G3BP2: variants seen among roughly 807,000 people sequenced by gnomAD.
G3BP2 encodes the protein G3BP stress granule assembly factor 2, also known as ras GTPase-activating protein-binding protein 2.
Under a neutral mutation model 56.7 loss-of-function variants are expected in G3BP2, and 11 were observed. That is an observed-to-expected ratio of 0.19 (90% CI 0.12 to 0.32). The LOEUF is 0.32. Ranked by LOEUF, G3BP2 falls within the 10% of genes least tolerant of loss-of-function variation. The pLI is 1.00. For missense variants in G3BP2, 340 were observed against 610.9 expected (o/e 0.56, Z 4.67); for synonymous variants, 165 against 191.6 (o/e 0.86, Z 1.15).
intron 3 of G3BP2, among the ~76,000 whole-genome samples, chr4:75,719,261 T>G (rs1720049779): frequency 7.1e-6 from 1 of 140,126 alleles, no homozygotes; most frequent in African/African-American, 2.7e-5. Context: ...GGCAGGAGAA[T>G]GGTGTGAACC....
chr4:75,652,116 T>C (rs566452686), intron 8 of G3BP2, among the ~76,000 whole-genome samples: 74 of 152,364 alleles, frequency 4.9e-4, no homozygotes, highest in African/African-American at 1.8e-3. Flanking sequence ...CATTTAAAAT[T>C]TTTGTTTTAT....
intron 3 of G3BP2, among the ~76,000 whole-genome samples, chr4:75,720,706 G>C (rs1209963563): frequency 2.0e-5 from 3 of 149,718 alleles, no homozygotes; most frequent in African/African-American, 7.4e-5. Context: ...TGAGGCAGGA[G>C]AATCGCTTGA....
intron 4 of G3BP2, 141 bp from the exon 5 acceptor site, chr4:75,657,155 GATGTTTA>G: frequency 3.7e-6 from 2 of 539,574 alleles, no homozygotes; most frequent in Non-Finnish European, 3.2e-6. Context: ...AACATGCTAT[GATGTTTA>G]TATAAAATAA....
chr4:75,648,969 A>G (rs537922870), intron 8 of G3BP2: 3 of 341,176 alleles, frequency 8.8e-6, no homozygotes, highest in African/African-American at 4.1e-5. Flanking sequence ...GTAACTCACA[A>G]TAAGTTGCTT....
chr4:75,690,551 G>C (rs1718812790), intron 3 of G3BP2, among the ~76,000 whole-genome samples: 1 of 152,156 alleles, frequency 6.6e-6, no homozygotes, highest in African/African-American at 2.4e-5. Flanking sequence ...GCAGGACTGA[G>C]GGTTGAAAGG....
upstream of G3BP2, among the ~76,000 whole-genome samples, chr4:75,675,948 T>C (rs1035000786): frequency 6.6e-6 from 1 of 152,198 alleles, no homozygotes. Context: ...TAAGAAACAT[T>C]TTTAGTTTAG....
chr4:75,657,873 A>G (rs1253013729), intron 3 of G3BP2, 143 bp from the exon 4 acceptor site: 6 of 569,548 alleles, frequency 1.1e-5, no homozygotes, highest in Non-Finnish European at 1.8e-5. Flanking sequence ...CATGCTGTGC[A>G]TCACTGCCAG....
chr4:75,696,805 C>T (rs1213539835), intron 3 of G3BP2, among the ~76,000 whole-genome samples: 2 of 152,148 alleles, frequency 1.3e-5, no homozygotes, highest in Non-Finnish European at 2.9e-5. Flanking sequence ...TTACATAACA[C>T]AGGTCCATGT....
rs67468716 is a variant in G3BP2 at position 75,720,022 on chromosome 4, C to CTTTTTTTTTTTTTTTTTTT, written c.-25+854_-25+855insAAAAAAAAAAAAAAAAAAA. Among the ~76,000 whole-genome samples the CTTTTTTTTTTTTTTTTTTT allele has an allele frequency of 3.1e-5, 3 of 97,320 alleles. 1 individual carries two copies. Among genetic ancestry groups the CTTTTTTTTTTTTTTTTTTT allele is most frequent in the Non-Finnish European group, 5.7e-5 (3 of 52,462 alleles). The allele number at this position is 97,320 out of a possible 152,430, so 63.8% of individuals were successfully genotyped here. A position where few individuals can be genotyped will look rare whatever the true frequency, so the allele number is the denominator to read the frequency against. On this transcript the variant is annotated intron_variant, in intron 3 of 3. Transcript: ENST00000499709. The stretch of plus-strand genomic sequence containing the variant: ...GAGCAGGATGGGGGGGCCCAGAACC[C>CTTTTTTTTTTTTTTTTTTT]TTTTTTTTTTTTGAGAAAGGGTCTC...
intron 3 of G3BP2, among the ~76,000 whole-genome samples, chr4:75,707,175 GAAAA>G (rs35357713): frequency 1.9e-5 from 2 of 103,618 alleles, no homozygotes; most frequent in Non-Finnish European, 3.8e-5. Flanking sequence ...ACTCCGTCTT[GAAAA>G]AAAAAAAAAA....
At chr4:75,694,680 G>C in intron 3 of G3BP2, 1 of 734,882 alleles carries the variant, frequency 1.4e-6, no homozygotes, top group Non-Finnish European at 1.7e-6. Context: ...GGCGGTTGCA[G>C]TGAGCCAAGA....
intron 3 of G3BP2, among the ~76,000 whole-genome samples, chr4:75,714,238 T>A (rs1247027403): frequency 1.3e-5 from 2 of 152,252 alleles, no homozygotes; most frequent in African/African-American, 4.8e-5. Flanking sequence ...TACTTTTGTC[T>A]TTAGTAATTA....
At chr4:75,719,276 A>T (rs10016782) in intron 3 of G3BP2, among the ~76,000 whole-genome samples, 74,271 of 141,334 alleles carry the variant, frequency 0.53, 21,247 homozygotes, top group East Asian at 0.81. Context: ...TGAACCCGGG[A>T]GGCGGAGCTT....
chr4:75,697,314 GA>G (rs1277711327), intron 3 of G3BP2, among the ~76,000 whole-genome samples: 1 of 124,334 alleles, frequency 8.0e-6, no homozygotes, highest in Non-Finnish European at 1.7e-5. Flanking sequence ...TCATGAAATT[GA>G]GGTGTTTTGT....
rs1242801096 is a variant in G3BP2 at position 75,657,000 on chromosome 4, A to G, written c.366T>C (p.Asn122=). 1 of 1,443,540 alleles carries G rather than the reference A, an allele frequency of 6.9e-7. No homozygotes were observed. Among genetic ancestry groups the G allele is most frequent in the Admixed American group, 1.8e-5 (1 of 55,482 alleles). The allele number at this position is 1,443,540 out of a possible 1,614,324, so 89.4% of individuals were successfully genotyped here. Residue 122 remains asparagine (N), a synonymous_variant, in exon 5 of 12, where the codon AAT becomes AAC. Coordinates refer to ENST00000359707, the MANE Select transcript of G3BP2 (RefSeq NM_203505.3). ...ACATATCATTGTGAACATAAAATTT[A>G]TTTGGAACAGATCCCTATAGGAAAC... ...FVLAPEGSVP[N]KFYVHNDMFR...
intron 3 of G3BP2, among the ~76,000 whole-genome samples, chr4:75,697,367 AAAT>A (rs377220201): frequency 1.9e-3 from 286 of 150,972 alleles, no homozygotes; most frequent in African/African-American, 6.3e-3. Flanking sequence ...ATTTATTTCA[AAAT>A]AATAATATGG....
At chr4:75,673,467 A>T, upstream of G3BP2, 1 of 1,230,798 alleles carries the variant, frequency 8.1e-7, no homozygotes, top group East Asian at 3.2e-5. Context: ...CGAAAGGGCC[A>T]GGGAACCCCC....
chr4:75,669,394 A>C (rs984365405), intron 1 of G3BP2, among the ~76,000 whole-genome samples: 4 of 152,178 alleles, frequency 2.6e-5, no homozygotes, highest in African/African-American at 9.7e-5. Flanking sequence ...TGAAATCCTT[A>C]CAATTCAGAA....
At chr4:75,700,091 G>A (rs1202826500) in intron 3 of G3BP2, among the ~76,000 whole-genome samples, 1 of 152,100 alleles carries the variant, frequency 6.6e-6, no homozygotes, top group Non-Finnish European at 1.5e-5. Flanking sequence ...GTCTCGCTCT[G>A]TTGCCAGGCT....
Sources: allele counts gnomAD v4.1 joint callset (sites outside exome capture counted in the v4.1 genomes callset), GRCh38; gene constraint gnomAD v4.1.1; transcripts MANE v1.5; gene names NCBI Gene and HGNC (gene_info 2026-07-23, HGNC 2026-07-21).